Variants in DNAH6 observed in about 807,000 individuals in gnomAD.
DNAH6 encodes the protein dynein axonemal heavy chain 6.
A neutral mutation model predicts 491.4 loss-of-function variants in DNAH6; 340 were observed. The observed-to-expected ratio is 0.69, with a 90% CI of 0.63 to 0.76. The LOEUF (loss-of-function observed/expected upper bound fraction) is 0.76, where lower values mean the gene tolerates loss of function less well. Among genes scored for constraint, DNAH6 ranks in the 30% least tolerant of loss-of-function variants. DNAH6 has a pLI of 0.00. For synonymous variants in DNAH6, 1,603 were observed against 1,686.1 expected (o/e 0.95, Z 1.21); for missense variants, 4,443 against 4,972.2 (o/e 0.89, Z 3.20).
At chr2:84,727,982 C>A in intron 61 of DNAH6, 80 bp downstream of exon 61, 1 of 886,394 alleles carries the variant, frequency 1.1e-6, no homozygotes, top group South Asian at 1.6e-5. Context: ...TTGTAGCTAC[C>A]ATAATTCCCA....
At chr2:84,770,846 C>T (rs1211919291) in intron 64 of DNAH6, among the ~76,000 whole-genome samples, 1 of 151,876 alleles carries the variant, frequency 6.6e-6, no homozygotes, top group Non-Finnish European at 1.5e-5. Flanking sequence ...AATAATTAGC[C>T]TGGCATGGTG....
At position 84,699,679 on chromosome 2, in the gene DNAH6, G is replaced by A. The variant is rs779281404; in HGVS notation, c.7763G>A (p.Arg2588Gln). 32 of 1,551,632 alleles carry A rather than the reference G, an allele frequency of 2.1e-5. No homozygotes were observed. In the Middle Eastern group the frequency reaches 5.0e-4, roughly 24 times the overall value. The change falls in exon 48 of 77, where the codon CGA becomes CAA. Residue 2588 changes from arginine (R) to glutamine (Q), a missense_variant. Arg to Gln is a conservative substitution (Grantham distance 43). Transcript: ENST00000389394. Reference protein sequence around the residue: ...MSPVGEAFRSRCRMFPSLVNC... With the variant: ...MSPVGEAFRSQCRMFPSLVNC... ...CCAGTTGGGGAGGCCTTTCGGTCCC[G>A]ATGCAGGATGTTTCCATCCCTTGTG...
Position 84,733,044 on chromosome 2 carries a change from C to T in DNAH6, c.10207-400C>T, listed in dbSNP as rs1272619915. On this transcript the variant is annotated intron_variant, in intron 61 of 76. Coordinates refer to ENST00000389394, the MANE Select transcript of DNAH6 (RefSeq NM_001370.2). Reference sequence around the variant, plus strand: ...CATTTGTCTTGCTACTGATACTGCTCCATACTCAGCTTTCTGTATCTTCTA... The same window carrying T: ...CATTTGTCTTGCTACTGATACTGCTTCATACTCAGCTTTCTGTATCTTCTA... Among the ~76,000 whole-genome samples, 5 of 152,344 alleles carry T rather than the reference C, an allele frequency of 3.3e-5. No homozygotes were observed. The South Asian group carries it at 1.0e-3, about 32-fold the overall frequency.
chr2:84,785,751 A>T lies in DNAH6; in HGVS notation c.11095A>T (p.Ile3699Phe). Residue 3699 changes from isoleucine to phenylalanine, a missense_variant, in exon 67 of 77, where the codon ATT becomes TTT. Transcript: ENST00000389394. ...IFGICFFHAIIQERKKFGPLG... is the reference protein window; with the variant it reads ...IFGICFFHAIFQERKKFGPLG... The stretch of plus-strand genomic sequence containing the variant: ...TGGCATTTGTTTCTTCCATGCAATT[A>T]TTCAGGTACACTCAACTCTGCTTTT... 1 of 1,536,648 alleles carries T rather than the reference A, an allele frequency of 6.5e-7. No homozygotes were observed. Among genetic ancestry groups the T allele is most frequent in the Non-Finnish European group, 8.8e-7 (1 of 1,141,180 alleles).
chr2:84,695,414 A>G (rs2104799035), intron 46 of DNAH6, among the ~76,000 whole-genome samples: 1 of 152,274 alleles, frequency 6.6e-6, no homozygotes, highest in African/African-American at 2.4e-5. Flanking sequence ...GGGAGATTAT[A>G]AATTAGCAAA....
intron 63 of DNAH6, among the ~76,000 whole-genome samples, chr2:84,755,565 T>C (rs1673929492): frequency 6.6e-6 from 1 of 152,168 alleles, no homozygotes; most frequent in African/African-American, 2.4e-5. Context: ...CCCTAGTGTT[T>C]TGTATATACA....
intron 33 of DNAH6, among the ~76,000 whole-genome samples, chr2:84,648,917 A>G (rs1690150098): frequency 6.6e-6 from 1 of 152,250 alleles, no homozygotes. Context: ...CTACATAGAT[A>G]TCTTTCACAA....
chr2:84,754,904 C>T (rs1299105431), intron 63 of DNAH6, among the ~76,000 whole-genome samples: 1 of 152,214 alleles, frequency 6.6e-6, no homozygotes, highest in East Asian at 1.9e-4. Context: ...ATTAAGTCAT[C>T]TGATCTATGA....
At chr2:84,789,301 C>G (rs1677520771) in intron 68 of DNAH6, among the ~76,000 whole-genome samples, 1 of 152,194 alleles carries the variant, frequency 6.6e-6, no homozygotes, top group Non-Finnish European at 1.5e-5. Flanking sequence ...TCAATAGGTT[C>G]ATTTTACACA....
At position 84,586,702 on chromosome 2, in the gene DNAH6, G is replaced by T. The variant is rs550870545; in HGVS notation, c.2482-2124G>T. On this transcript the variant is annotated intron_variant, in intron 15 of 76. Transcript: ENST00000389394. ...AGGGTTTTATTATTCACATTTTACA[G>T]AAAAGGAAATTAGGGGACAGGGTTA... is the stretch of plus-strand genomic sequence containing the variant. Among the ~76,000 whole-genome samples the T allele has an allele frequency of 8.5e-5, 13 of 152,220 alleles. No homozygotes were observed. The South Asian group carries it at 2.5e-3, about 29-fold the overall frequency.
At chr2:84,728,764 T>G (rs1698881765) in intron 61 of DNAH6, among the ~76,000 whole-genome samples, 1 of 152,050 alleles carries the variant, frequency 6.6e-6, no homozygotes, top group East Asian at 1.9e-4. Flanking sequence ...CTCCTTCATG[T>G]TCATCTGCTT....
intron 11 of DNAH6, among the ~76,000 whole-genome samples, chr2:84,570,460 A>C (rs1048543046): frequency 1.3e-5 from 2 of 152,132 alleles, no homozygotes; most frequent in Non-Finnish European, 2.9e-5. Context: ...TGCACCAATC[A>C]GCACTCTGTA....
At chr2:84,773,589 G>A (rs1400737345) in intron 64 of DNAH6, among the ~76,000 whole-genome samples, 1 of 152,008 alleles carries the variant, frequency 6.6e-6, no homozygotes, top group Non-Finnish European at 1.5e-5. Context: ...ACCCATTAAT[G>A]GGAATGGTGG....
At chr2:84,645,842 T>C (rs1689841858) in intron 33 of DNAH6, among the ~76,000 whole-genome samples, 2 of 152,174 alleles carry the variant, frequency 1.3e-5, no homozygotes, top group Admixed American at 1.3e-4. Context: ...TCAAGCAATT[T>C]ATCAATTACA....
intron 73 of DNAH6, among the ~76,000 whole-genome samples, chr2:84,812,813 G>A (rs11687426): frequency 0.1 from 15,439 of 152,160 alleles, 1,152 homozygotes; most frequent in African/African-American, 0.2. Context: ...GATGAGTCCA[G>A]ATCCCAGATA....
chr2:84,480,853 C>A, the DNAH6 span, among the ~76,000 whole-genome samples: 1 of 152,014 alleles, frequency 6.6e-6, no homozygotes, highest in Non-Finnish European at 1.5e-5. Context: ...ATCCCAGCTA[C>A]TGGAGAGGCT....
chr2:84,727,913 C>T lies in DNAH6; in HGVS notation c.10206+11C>T. 2 of 1,477,774 alleles carry T rather than the reference C, an allele frequency of 1.4e-6. No individual in the cohort carries two copies. The highest frequency in any genetic ancestry group is 1.9e-6 in the Non-Finnish European group (2 of 1,079,650). 91.5% of individuals were successfully genotyped at this position (1,477,774 alleles called of 1,614,324 possible). ...GCAGGATTGGAAAAGGTACCTGATT[C>T]CCATTTAGGTGATGATTGATATGGT... On this transcript the variant is annotated intron_variant, in intron 61 of 76. Coordinates refer to ENST00000389394, the MANE Select transcript of DNAH6 (RefSeq NM_001370.2).
intron 74 of DNAH6, among the ~76,000 whole-genome samples, chr2:84,813,594 ATC>A (rs1680208720): frequency 6.6e-6 from 1 of 152,134 alleles, no homozygotes; most frequent in Non-Finnish European, 1.5e-5. Flanking sequence ...CAAGCCCTTC[ATC>A]TCTCTCATTC....
At chr2:84,720,264 CTTCTTTTTTTTTTTTTTTTT>C (rs1697975221) in intron 59 of DNAH6, among the ~76,000 whole-genome samples, 2 of 122,396 alleles carry the variant, frequency 1.6e-5, no homozygotes, top group South Asian at 2.8e-4. Flanking sequence ...TCCAAGAGTG[CTTCTTTTTTTTTTTTTTTTT>C]TTTTTTTTTT....
Sources: allele counts gnomAD v4.1 joint callset (sites outside exome capture counted in the v4.1 genomes callset), GRCh38; gene constraint gnomAD v4.1.1; transcripts MANE v1.5; gene names NCBI Gene and HGNC (gene_info 2026-07-23, HGNC 2026-07-21).